Variants in SPAG6 observed in about 807,000 individuals in gnomAD.
SPAG6 encodes the protein sperm associated antigen 6.
A neutral mutation model predicts 58.5 loss-of-function variants in SPAG6; 49 were observed. That is an observed-to-expected ratio of 0.84 (90% CI 0.67 to 1.06). The LOEUF (loss-of-function observed/expected upper bound fraction) is 1.06. SPAG6 is among the 50% of genes least tolerant of loss of function. SPAG6 has a pLI of 0.00. For synonymous variants in SPAG6, 233 were observed against 225.6 expected (o/e 1.03, Z -0.29); for missense variants, 560 against 611.3 (o/e 0.92, Z 0.89).
In SPAG6 at chr10:22,389,317, GT is replaced by G. The variant is rs780187413; in HGVS notation, c.1005+7del. 4.0e-5 allele frequency: 64 copies of G among 1,609,314 alleles called. No individual in the cohort carries two copies. Among genetic ancestry groups the G allele is most frequent in the Middle Eastern group, 4.3e-4 (2 of 4,694 alleles). Reference sequence around the variant, plus strand: ...ATGGCAGTCATCATTTCTAAGGTTTGTTCTTGCTTCGTTTTCTTCCAGTTGC... The same window carrying G: ...ATGGCAGTCATCATTTCTAAGGTTTGTCTTGCTTCGTTTTCTTCCAGTTGC... On this transcript the variant is annotated splice_donor_region_variant and intron_variant, in intron 7 of 10. Coordinates refer to ENST00000376624, the MANE Select transcript of SPAG6 (RefSeq NM_012443.4).
chr10:22,345,735 A>G lies in SPAG6; in HGVS notation c.38A>G (p.Tyr13Cys). 6.2e-7 allele frequency: 1 copy of G among 1,612,918 alleles called. No homozygotes were observed. Residue 13 changes from tyrosine to cysteine, a missense_variant, in exon 2 of 11, where the codon TAC becomes TGC. Transcript: ENST00000376624. The surrounding 1 kb of genome is among the most constrained non-coding windows in gnomAD (Gnocchi z 6.3). The part of the protein sequence containing the change: ...QRQVLQVFEQ[Y>C]QKARTQFVQM... Reference sequence around the variant, plus strand: ...CTCTCTCCCGCAGTGTTCGAGCAATACCAGAAGGCCAGGACCCAGTTCGTG... The same window carrying G: ...CTCTCTCCCGCAGTGTTCGAGCAATGCCAGAAGGCCAGGACCCAGTTCGTG...
At chr10:22,357,758 C>T (rs1279772512) in intron 2 of SPAG6, among the ~76,000 whole-genome samples, 1 of 125,846 alleles carries the variant, frequency 7.9e-6, no homozygotes, top group Non-Finnish European at 1.6e-5. Context: ...CAACAGTCCC[C>T]AGAGTGTGAT....
intron 2 of SPAG6, chr10:22,360,907 C>T (rs1226823646): frequency 9.6e-7 from 1 of 1,046,864 alleles, no homozygotes; most frequent in South Asian, 1.4e-5. Flanking sequence ...TTCCTTCCTT[C>T]CTTCCATTGT....
At chr10:22,365,331 T>C (rs1373354384) in intron 3 of SPAG6, among the ~76,000 whole-genome samples, 1 of 152,180 alleles carries the variant, frequency 6.6e-6, no homozygotes, top group Non-Finnish European at 1.5e-5. Context: ...ATGTAGACCC[T>C]AGGCAAATAG....
At chr10:22,387,020 G>A (rs1266534542) in intron 5 of SPAG6, 61 bp downstream of exon 5, 5 of 1,227,196 alleles carry the variant, frequency 4.1e-6, no homozygotes, top group African/African-American at 3.0e-5. Context: ...AAATGGAAAT[G>A]TGTACACGTG....
chr10:22,362,036 ATATAT>A (rs1034094350), intron 2 of SPAG6, among the ~76,000 whole-genome samples: 3 of 146,250 alleles, frequency 2.1e-5, no homozygotes, highest in Non-Finnish European at 3.0e-5. Flanking sequence ...AAATATATAG[ATATAT>A]TATTTTATAT....
intron 2 of SPAG6, among the ~76,000 whole-genome samples, chr10:22,361,880 A>G (rs1837050559): frequency 6.6e-6 from 1 of 151,302 alleles, no homozygotes; most frequent in Non-Finnish European, 1.5e-5. Flanking sequence ...TAAATCCTTA[A>G]TATGTGTTCA....
chr10:22,416,354 T>C (rs1229132239), intron 10 of SPAG6, among the ~76,000 whole-genome samples: 1 of 152,156 alleles, frequency 6.6e-6, no homozygotes, highest in Non-Finnish European at 1.5e-5. Flanking sequence ...GGATTGAAGA[T>C]TCTTGTTTGG....
chr10:22,387,577 C>T (rs1834096838), intron 5 of SPAG6, among the ~76,000 whole-genome samples: 1 of 152,086 alleles, frequency 6.6e-6, no homozygotes. Flanking sequence ...GTTATTTAAT[C>T]ATCTGTAATA....
chr10:22,393,182 C>T (rs11012980), intron 8 of SPAG6, among the ~76,000 whole-genome samples: 2 of 152,012 alleles, frequency 1.3e-5, no homozygotes, highest in Admixed American at 1.3e-4. Context: ...TAACCTATAT[C>T]TGTAGTCCTC....
At chr10:22,414,079 A>T (rs1834811641) in intron 10 of SPAG6, among the ~76,000 whole-genome samples, 1 of 152,072 alleles carries the variant, frequency 6.6e-6, no homozygotes, top group African/African-American at 2.4e-5. Context: ...GGCCTGGCTT[A>T]CTCCACAGCC....
At chr10:22,379,917 C>T (rs1183373251) in intron 4 of SPAG6, among the ~76,000 whole-genome samples, 2 of 152,152 alleles carry the variant, frequency 1.3e-5, no homozygotes, top group African/African-American at 4.8e-5. Context: ...ACTTCAGCCT[C>T]CCGAGTAGCT....
Position 22,373,934 on chromosome 10 carries a change from G to A in SPAG6, c.472+5256G>A, listed in dbSNP as rs370237423. ...TGTTTTTTGGGCATAGAGGCCAAAT[G>A]TGCTAAACAAAACAACATTTTAATT... is the stretch of plus-strand genomic sequence containing the variant. On this transcript the variant is annotated intron_variant, in intron 4 of 10. Transcript: ENST00000376624. Among the ~76,000 whole-genome samples the A allele has an allele frequency of 2.1e-4, 32 of 152,218 alleles. 2 individuals are homozygous for A. Among genetic ancestry groups the A allele is most frequent in the African/African-American group, 6.5e-4 (27 of 41,520 alleles).
intron 4 of SPAG6, 112 bp downstream of exon 4, chr10:22,368,790 CTGTA>C: frequency 2.6e-6 from 2 of 760,858 alleles, no homozygotes; most frequent in South Asian, 4.3e-5. Context: ...AATGATGTTT[CTGTA>C]TGTGATGAGA....
intron 9 of SPAG6, among the ~76,000 whole-genome samples, chr10:22,408,718 G>A (rs912503599): frequency 4.6e-5 from 7 of 152,224 alleles, no homozygotes; most frequent in African/African-American, 2.4e-5. Flanking sequence ...GGCAATGGCG[G>A]GCGCCCCTCC....
chr10:22,394,088 ACTTAT>A (rs1834240615), intron 8 of SPAG6, among the ~76,000 whole-genome samples: 1 of 152,136 alleles, frequency 6.6e-6, no homozygotes, highest in Admixed American at 6.5e-5. Context: ...AAATTGGGTT[ACTTAT>A]CTTTTTATTA....
chr10:22,358,448 T>G (rs973710261), intron 2 of SPAG6, among the ~76,000 whole-genome samples: 2 of 152,080 alleles, frequency 1.3e-5, no homozygotes, highest in African/African-American at 4.8e-5. Flanking sequence ...TTCTTGTAAA[T>G]TTGTTTGAGT....
intron 8 of SPAG6, among the ~76,000 whole-genome samples, chr10:22,397,698 G>C (rs554821481): frequency 4.1e-4 from 63 of 152,010 alleles, no homozygotes; most frequent in Non-Finnish European, 7.4e-4. Flanking sequence ...ATAACATCAA[G>C]CATTAAATAC....
chr10:22,400,909 C>T (rs1834395830), intron 8 of SPAG6, among the ~76,000 whole-genome samples: 3 of 151,956 alleles, frequency 2.0e-5, no homozygotes, highest in African/African-American at 7.2e-5. Context: ...TAATTTTCTT[C>T]TAGGTATTTT....
Sources: allele counts gnomAD v4.1 joint callset (sites outside exome capture counted in the v4.1 genomes callset), GRCh38; gene constraint gnomAD v4.1.1; non-coding constraint Gnocchi (gnomAD v3.1); transcripts MANE v1.5; gene names NCBI Gene and HGNC (gene_info 2026-07-23, HGNC 2026-07-21).